The following SEMA4B variants were observed in gnomAD, a reference collection of about 807,000 sequenced individuals.
SEMA4B encodes semaphorin 4B.
A neutral mutation model predicts 88.1 loss-of-function variants in SEMA4B; 55 were observed. The observed-to-expected ratio is 0.62, with a 90% CI of 0.50 to 0.78. The LOEUF is 0.78. Ranked by LOEUF, SEMA4B falls within the 30% of genes least tolerant of loss-of-function variation. The pLI, the probability that SEMA4B is intolerant of heterozygous loss-of-function variation, is 0.00. For synonymous variants in SEMA4B, 525 were observed against 473.6 expected (o/e 1.11, Z -1.41); for missense variants, 1,062 against 1,111.9 (o/e 0.96, Z 0.64).
intron 1 of SEMA4B, among the ~76,000 whole-genome samples, chr15:90,214,750 G>C (rs910866792): frequency 7.9e-5 from 12 of 152,054 alleles, no homozygotes; most frequent in African/African-American, 2.9e-4. Flanking sequence ...CCACCAGGAG[G>C]CCCAGCACTA....
At chr15:90,219,614 T>A in intron 3 of SEMA4B, 179 bp from the exon 4 acceptor site, 1 of 590,244 alleles carries the variant, frequency 1.7e-6, no homozygotes. Flanking sequence ...GCACACACAC[T>A]CTGTGCACGC....
intron 1 of SEMA4B, among the ~76,000 whole-genome samples, chr15:90,195,206 A>T (rs1960463572): frequency 6.6e-6 from 1 of 151,900 alleles, no homozygotes; most frequent in Non-Finnish European, 1.5e-5. Flanking sequence ...TGATCCTCCC[A>T]CCTCAGCCTT....
intron 1 of SEMA4B, among the ~76,000 whole-genome samples, chr15:90,202,532 C>T (rs1722680912): frequency 6.6e-6 from 1 of 152,200 alleles, no homozygotes; most frequent in Non-Finnish European, 1.5e-5. Flanking sequence ...GTTGCTTCTC[C>T]AGCTCTTCTT....
At chr15:90,225,969 C>G in intron 12 of SEMA4B, 142 bp downstream of exon 12, 1 of 618,944 alleles carries the variant, frequency 1.6e-6, no homozygotes, top group Non-Finnish European at 2.5e-6. Flanking sequence ...AGCTCTCCTG[C>G]TTCCTCTCAA....
In SEMA4B at chr15:90,223,606, C is replaced by T. The variant is rs749933901; in HGVS notation, c.909C>T (p.Phe303=). ...ERVLQQRWTS[F]LKAQLLCSRP... ...TGCTACAGCAGCGCTGGACCTCCTT[C>T]CTCAAGGCCCAGCTGCTGTGCTCAC... The change falls in exon 8 of 14, where the codon TTC becomes TTT. Residue 303 remains phenylalanine (F), a synonymous_variant. Transcript: ENST00000411539. 1.2e-6 allele frequency: 2 copies of T among 1,612,638 alleles called. No homozygotes were observed. The highest frequency in any genetic ancestry group is 1.1e-5 in the South Asian group (1 of 90,944).
chr15:90,205,672 G>A (rs1447500689), intron 1 of SEMA4B, among the ~76,000 whole-genome samples: 1 of 152,226 alleles, frequency 6.6e-6, no homozygotes, highest in Non-Finnish European at 1.5e-5. Flanking sequence ...CTGCTCTGGT[G>A]TGCTAGAAAC....
chr15:90,223,454 T>C (rs1280038189), intron 7 of SEMA4B, 105 bp from the exon 8 acceptor site: 2 of 1,024,214 alleles, frequency 2.0e-6, no homozygotes, highest in East Asian at 2.8e-5. Context: ...CTCCTGCCCT[T>C]CAGTCCTGGT....
rs145848817 is a variant in SEMA4B at position 90,212,540 on chromosome 15, C to T, written c.158-4899C>T. ...AAAGCTTAAGACTGACCCCAAGGTG[C>T]GCCAGCCCCTCGCAGGAAGTAAAGT... On this transcript the variant is annotated intron_variant, in intron 1 of 13. Coordinates refer to ENST00000411539, the MANE Select transcript of SEMA4B (RefSeq NM_198925.4). This position sits in a 1 kb window ranked among gnomAD's most constrained non-coding sequence, Gnocchi z 4.0. Among the ~76,000 whole-genome samples, 267 of 152,278 alleles carry T rather than the reference C, an allele frequency of 1.8e-3. 1 individual carries two copies. The highest frequency in any genetic ancestry group is 6.3e-3 in the African/African-American group (260 of 41,560).
upstream of SEMA4B, among the ~76,000 whole-genome samples, chr15:90,201,120 G>A (rs1960689708): frequency 6.6e-6 from 1 of 152,138 alleles, no homozygotes; most frequent in East Asian, 1.9e-4. Context: ...GGGAGGGTCT[G>A]AGCAGTGGGG....
At chr15:90,220,173 C>T (rs1478435187) in intron 4 of SEMA4B, 5 of 393,470 alleles carry the variant, frequency 1.3e-5, no homozygotes, top group Non-Finnish European at 2.3e-5. Context: ...CTTCTTCCAG[C>T]ATCTCTCCCT....
At chr15:90,219,043 T>G (rs1292949060) in intron 3 of SEMA4B, among the ~76,000 whole-genome samples, 3 of 151,914 alleles carry the variant, frequency 2.0e-5, no homozygotes, top group Non-Finnish European at 2.9e-5. Flanking sequence ...GTCTCACCTG[T>G]GTACTAAGAG....
At position 90,225,012 on chromosome 15, in the gene SEMA4B, G is replaced by A. The variant is rs761816126; in HGVS notation, c.1239G>A (p.Leu413=). The part of the protein sequence containing the change: ...SARERKINSS[L]QLPDRVLNFL... ...GGGAAAGGAAGATCAACTCATCCCTGCAGCTCCCAGACCGCGTGCTGAACT... is the reference window on the plus strand; with the variant it reads ...GGGAAAGGAAGATCAACTCATCCCTACAGCTCCCAGACCGCGTGCTGAACT... The change falls in exon 10 of 14, where the codon CTG becomes CTA. Residue 413 remains leucine, a synonymous_variant. Coordinates refer to ENST00000411539, the MANE Select transcript of SEMA4B (RefSeq NM_198925.4). The A allele has an allele frequency of 1.3e-5, 21 of 1,613,918 alleles. No homozygotes were observed. In the South Asian group the frequency reaches 2.3e-4, roughly 18 times the overall value.
In SEMA4B at chr15:90,201,462, G is replaced by A. The variant is rs1687333976; in HGVS notation, c.-117G>A. 3 of 1,304,888 alleles carry A rather than the reference G, an allele frequency of 2.3e-6. No individual in the cohort carries two copies. The highest frequency in any genetic ancestry group is 2.9e-6 in the Non-Finnish European group (3 of 1,029,880). The allele number at this position is 1,304,888 out of a possible 1,614,324, so 80.8% of individuals were successfully genotyped here. ...TTCCCACCTCCCGCCCCCCAGGTCCGGAGGCGGGGGCCCCCGGGGCGACTC... is the reference window on the plus strand; with the variant it reads ...TTCCCACCTCCCGCCCCCCAGGTCCAGAGGCGGGGGCCCCCGGGGCGACTC... On this transcript the variant is annotated 5_prime_UTR_variant, in exon 1 of 14. Transcript: ENST00000411539.
chr15:90,193,689 G>C (rs1043810998), intron 1 of SEMA4B: 1 of 152,156 alleles, frequency 6.6e-6, no homozygotes, highest in African/African-American at 2.4e-5. Flanking sequence ...GGATCTGCTT[G>C]ATGTGGAGAT....
intron 1 of SEMA4B, among the ~76,000 whole-genome samples, chr15:90,187,209 G>A (rs902284909): frequency 3.3e-5 from 5 of 152,186 alleles, no homozygotes; most frequent in African/African-American, 1.2e-4. Context: ...GGTGAGCCTG[G>A]AGCTAAGCAA....
At chr15:90,193,187 C>T (rs1596117195) in intron 1 of SEMA4B, 1 of 152,262 alleles carries the variant, frequency 6.6e-6, no homozygotes, top group African/African-American at 2.4e-5. Flanking sequence ...TCGCCAACAT[C>T]CAAGAGTGGC....
intron 12 of SEMA4B, chr15:90,227,329 G>T: frequency 1.9e-6 from 1 of 524,530 alleles, no homozygotes; most frequent in Non-Finnish European, 3.4e-6. Context: ...TTACAGGCGT[G>T]GGCCACCATG....
chr15:90,221,596 C>A lies in SEMA4B; in HGVS notation c.710-18C>A, dbSNP rs370672223. 6.2e-7 allele frequency: 1 copy of A among 1,613,752 alleles called. No homozygotes were observed. Among genetic ancestry groups the A allele is most frequent in the East Asian group, 2.2e-5 (1 of 44,884 alleles). On this transcript the variant is annotated intron_variant, in intron 6 of 13. Coordinates refer to ENST00000411539, the MANE Select transcript of SEMA4B (RefSeq NM_198925.4). ...GGGTTCCTGGGCTGACTCTGAGCTC[C>A]TGACCTGGTCCCTACAGACCCAGCT...
Position 90,224,025 on chromosome 15 carries a change from G to A in SEMA4B, c.1194+37G>A, listed in dbSNP as rs767747923. ...CTCCCTGCACCCAGAAGGGGTGCCG[G>A]GAAGATGTGGGTCCCCACACCATGC... is the stretch of plus-strand genomic sequence containing the variant. On this transcript the variant is annotated intron_variant, in intron 9 of 13. Transcript: ENST00000411539. 8 of 1,581,184 alleles carry A rather than the reference G, an allele frequency of 5.1e-6. No individual in the cohort carries two copies. In the Admixed American group the frequency reaches 5.2e-5, roughly 10 times the overall value.
Sources: gnomAD v4.1 joint callset for allele counts (sites outside exome capture counted in the v4.1 genomes callset) on GRCh38, gnomAD v4.1.1 for gene constraint, Gnocchi (gnomAD v3.1) non-coding constraint, MANE v1.5 for transcripts, NCBI Gene and HGNC (gene_info 2026-07-23, HGNC 2026-07-21) for gene names.